The following MINK1 variants were observed in gnomAD, a reference collection of about 807,000 sequenced individuals.
MINK1 encodes the protein misshapen-like kinase 1.
Under a neutral mutation model 178.4 loss-of-function variants are expected in MINK1, and 46 were observed. The observed-to-expected ratio is 0.26, with a 90% CI of 0.20 to 0.33. MINK1 has a LOEUF of 0.33. Among genes scored for constraint, MINK1 ranks in the 10% least tolerant of loss-of-function variants. The pLI, the probability that MINK1 is intolerant of heterozygous loss-of-function variation, is 1.00. For missense variants in MINK1, 1,366 were observed against 1,814.9 expected (o/e 0.75, Z 4.49); for synonymous variants, 797 against 709.7 (o/e 1.12, Z -1.96).
chr17:4,856,905 T>G, intron 1 of MINK1: 1 of 164,018 alleles, frequency 6.1e-6, no homozygotes, highest in Non-Finnish European at 1.3e-5. Flanking sequence ...TGAGGAGGGG[T>G]GGTCTTTACA....
At chr17:4,881,521 A>G (rs1967699707) in intron 4 of MINK1, among the ~76,000 whole-genome samples, 1 of 152,178 alleles carries the variant, frequency 6.6e-6, no homozygotes, top group Non-Finnish European at 1.5e-5. Flanking sequence ...TCCCCTAACC[A>G]GTGTCTCACA....
rs75060982 is a variant in MINK1, at chr17:4,867,074, A to ATAAT, written c.58-11243_58-11242insTAAT. Among the ~76,000 whole-genome samples the ATAAT allele has an allele frequency of 4.6e-3, 547 of 119,962 alleles. 5 individuals carry two copies. The highest frequency in any genetic ancestry group is 0.017 in the African/African-American group (524 of 30,808). The allele number at this position is 119,962 out of a possible 152,430, so 78.7% of individuals were successfully genotyped here. A position where few individuals can be genotyped will look rare whatever the true frequency, so the allele number is the denominator to read the frequency against. Reference sequence around the variant, plus strand: ...GGGTGACAGAGTGAGACTCGTCTCAAAATAATAATAATAATAATAATAATA... The same window carrying ATAAT: ...GGGTGACAGAGTGAGACTCGTCTCAATAATAATAATAATAATAATAATAATAATA... On this transcript the variant is annotated intron_variant, in intron 1 of 31. Coordinates refer to ENST00000355280, the MANE Select transcript of MINK1 (RefSeq NM_153827.5).
rs1248440959 is a variant in MINK1 at position 4,886,731 on chromosome 17, G to A, written c.949+105G>A. 1.8e-5 allele frequency: 23 copies of A among 1,260,534 alleles called. No individual in the cohort carries two copies. The highest frequency in any genetic ancestry group is 7.8e-5 in the East Asian group (3 of 38,660). The allele number at this position is 1,260,534 out of a possible 1,614,324, so 78.1% of individuals were successfully genotyped here. ...GCACCCCTTCCTGCTCCCCTCCTTGGCCCCAGCTCTCCCTGTCCAAGGAGA... is the reference window on the plus strand; with the variant it reads ...GCACCCCTTCCTGCTCCCCTCCTTGACCCCAGCTCTCCCTGTCCAAGGAGA... On this transcript the variant is annotated intron_variant, in intron 10 of 31. Transcript: ENST00000355280. The surrounding 1 kb of genome is among the most constrained non-coding windows in gnomAD (Gnocchi z 6.1).
intron 13 of MINK1, 41 bp from the exon 14 acceptor site, chr17:4,890,476 C>T: frequency 5.2e-6 from 8 of 1,551,182 alleles, no homozygotes; most frequent in South Asian, 3.6e-5. Context: ...ACTCCCAGGG[C>T]CACACCCTGC....
Position 4,893,608 on chromosome 17 carries a change from G to A in MINK1, c.2564+11G>A, listed in dbSNP as rs374649525. 7.6e-5 allele frequency: 116 copies of A among 1,520,952 alleles called. No homozygotes were observed. Among genetic ancestry groups the A allele is most frequent in the East Asian group, 1.4e-4 (6 of 43,808 alleles). 94.2% of individuals were successfully genotyped at this position (1,520,952 alleles called of 1,614,324 possible). ...TACCCCTGGGGGCCGGTACGGCATC[G>A]GGAGTGGGGCCCTCCCACTCCAAGG... On this transcript the variant is annotated intron_variant, in intron 21 of 31. Transcript: ENST00000355280.
In MINK1 at chr17:4,892,495, C is replaced by T. The variant is rs1050221532; in HGVS notation, c.2181C>T (p.Gly727=). The T allele has an allele frequency of 2.6e-6, 4 of 1,560,666 alleles. No homozygotes were observed. The African/African-American group carries it at 4.1e-5, about 16-fold the overall frequency. ...KPPGPPAQPP[G]PPNASSNPDL... ...CAGGGCCCCCTGCTCAGCCCCCTGG[C>T]CCGCCCAACGCCTCTAGGTAATAGA... The change falls in exon 18 of 32, where the codon GGC becomes GGT. Residue 727 remains glycine, a synonymous_variant. Coordinates refer to ENST00000355280, the MANE Select transcript of MINK1 (RefSeq NM_153827.5).
Position 4,833,739 on chromosome 17 carries a change from C to T in MINK1, c.57+99C>T. On this transcript the variant is annotated intron_variant, in intron 1 of 31. Coordinates refer to ENST00000355280, the MANE Select transcript of MINK1 (RefSeq NM_153827.5). The surrounding 1 kb of genome is among the most constrained non-coding windows in gnomAD (Gnocchi z 4.8). ...CCTCACGTGCTCCCGGGCGCCCCCT[C>T]CACCAGCTTGGGTCCCCTTGGCGAC... 9.5e-7 allele frequency: 1 copy of T among 1,055,678 alleles called. No individual in the cohort carries two copies. Among genetic ancestry groups the T allele is most frequent in the Non-Finnish European group, 1.3e-6 (1 of 776,146 alleles). 65.4% of individuals were successfully genotyped at this position (1,055,678 alleles called of 1,614,324 possible). A position where few individuals can be genotyped will look rare whatever the true frequency, so the allele number is the denominator to read the frequency against.
chr17:4,894,338 G>T lies in MINK1; in HGVS notation c.2808+27G>T, dbSNP rs144266870. 5.3e-4 allele frequency: 852 copies of T among 1,604,546 alleles called. 3 individuals carry two copies. The highest frequency in any genetic ancestry group is 6.4e-4 in the Non-Finnish European group (753 of 1,176,632). On this transcript the variant is annotated intron_variant, in intron 23 of 31. Coordinates refer to ENST00000355280, the MANE Select transcript of MINK1 (RefSeq NM_153827.5). This position sits in a 1 kb window ranked among gnomAD's most constrained non-coding sequence, Gnocchi z 4.1. The stretch of plus-strand genomic sequence containing the variant: ...TAAGTGGGCCGGAGGCAGGTCCGCC[G>T]GGAGAGAAGAGCCCTGGCGATGGGC...
At chr17:4,890,415 A>T in intron 13 of MINK1, 102 bp from the exon 14 acceptor site, 1 of 1,482,286 alleles carries the variant, frequency 6.7e-7, no homozygotes, top group Admixed American at 2.2e-5. Context: ...CATCAAGGGA[A>T]TACATCTCCT....
At chr17:4,881,292 G>T (rs533521828) in intron 4 of MINK1, 35 bp downstream of exon 4, 5 of 1,531,794 alleles carry the variant, frequency 3.3e-6, no homozygotes, top group Non-Finnish European at 4.4e-6. Flanking sequence ...TTCCCTCCCC[G>T]CAATCCCTGT....
At position 4,894,338 on chromosome 17, in the gene MINK1, G is replaced by A. The variant is rs144266870; in HGVS notation, c.2808+27G>A. 1,064 of 1,604,664 alleles carry A rather than the reference G, an allele frequency of 6.6e-4. 6 individuals are homozygous for A. In the African/African-American group the frequency reaches 0.012, roughly 19 times the overall value. ...TAAGTGGGCCGGAGGCAGGTCCGCC[G>A]GGAGAGAAGAGCCCTGGCGATGGGC... On this transcript the variant is annotated intron_variant, in intron 23 of 31. Transcript: ENST00000355280. This position sits in a 1 kb window ranked among gnomAD's most constrained non-coding sequence, Gnocchi z 4.1.
In MINK1 at chr17:4,896,392, C is replaced by T. The variant is rs186930495; in HGVS notation, c.3616-37C>T. On this transcript the variant is annotated intron_variant, in intron 29 of 31. Transcript: ENST00000355280. This position sits in a 1 kb window ranked among gnomAD's most constrained non-coding sequence, Gnocchi z 4.6. The stretch of plus-strand genomic sequence containing the variant: ...GAGTGGGATGGCCCAGTCTGGGCAC[C>T]AGACACGGAGACTCTAGTCCCCCTC... 6.9e-5 allele frequency: 111 copies of T among 1,609,632 alleles called. No homozygotes were observed. Among genetic ancestry groups the T allele is most frequent in the Admixed American group, 1.0e-4 (6 of 59,868 alleles).
In MINK1 at chr17:4,896,171, C is replaced by T; in HGVS notation, c.3466-22C>T. 1 of 1,601,138 alleles carries T rather than the reference C, an allele frequency of 6.2e-7. No homozygotes were observed. Among genetic ancestry groups the T allele is most frequent in the African/African-American group, 1.3e-5 (1 of 74,758 alleles). ...GCCTCTCCCCGTGCCCCTGAGCCCT[C>T]CTCTCCTCCGGTTCTCTGCAGTCCT... is the stretch of plus-strand genomic sequence containing the variant. On this transcript the variant is annotated intron_variant, in intron 28 of 31. Transcript: ENST00000355280. This position sits in a 1 kb window ranked among gnomAD's most constrained non-coding sequence, Gnocchi z 4.6.
rs763029716 is a variant in MINK1, at chr17:4,895,861, G to T, written c.3364+29G>T. The T allele has an allele frequency of 1.2e-6, 2 of 1,607,490 alleles. No homozygotes were observed. The highest frequency in any genetic ancestry group is 1.3e-5 in the African/African-American group (1 of 74,828). ...AGGATGTCCCAACAGAGTGGCCAGC[G>T]CATACTTGTTCATGAAGAGAGAAAT... On this transcript the variant is annotated intron_variant, in intron 27 of 31. Transcript: ENST00000355280. This position sits in a 1 kb window ranked among gnomAD's most constrained non-coding sequence, Gnocchi z 4.3.
Position 4,885,069 on chromosome 17 carries a change from T to C in MINK1, c.508+67T>C. The C allele has an allele frequency of 6.8e-7, 1 of 1,477,658 alleles. No individual in the cohort carries two copies. The highest frequency in any genetic ancestry group is 9.4e-7 in the Non-Finnish European group (1 of 1,066,670). 91.5% of individuals were successfully genotyped at this position (1,477,658 alleles called of 1,614,324 possible). A position where few individuals can be genotyped will look rare whatever the true frequency, so the allele number is the denominator to read the frequency against. ...CCAGAACAGAGAATGAGGGGCCCCTTTTTCTCTCTGGTGGCTCAGGCCCAA... is the reference window on the plus strand; with the variant it reads ...CCAGAACAGAGAATGAGGGGCCCCTCTTTCTCTCTGGTGGCTCAGGCCCAA... On this transcript the variant is annotated intron_variant, in intron 6 of 31. Transcript: ENST00000355280. The surrounding 1 kb of genome is among the most constrained non-coding windows in gnomAD (Gnocchi z 5.0).
rs752717407 is a variant in MINK1 at position 4,892,968 on chromosome 17, C to G, written c.2312-11C>G. On this transcript the variant is annotated splice_polypyrimidine_tract_variant and intron_variant, in intron 19 of 31. Coordinates refer to ENST00000355280, the MANE Select transcript of MINK1 (RefSeq NM_153827.5). ...CAGGCATCAGTGACCTTCTTCCACCCTGCCGTCCAGTCTCCTCCAAACCGG... is the reference window on the plus strand; with the variant it reads ...CAGGCATCAGTGACCTTCTTCCACCGTGCCGTCCAGTCTCCTCCAAACCGG... 7.1e-6 allele frequency: 11 copies of G among 1,553,400 alleles called. No individual in the cohort carries two copies. The highest frequency in any genetic ancestry group is 9.6e-6 in the Non-Finnish European group (11 of 1,148,572).
At chr17:4,847,924 G>A (rs1053189203) in intron 1 of MINK1, among the ~76,000 whole-genome samples, 1 of 152,102 alleles carries the variant, frequency 6.6e-6, no homozygotes, top group African/African-American at 2.4e-5. Context: ...GCTCATGCTT[G>A]TACTCCCAGC....
At position 4,897,811 on chromosome 17, in the gene MINK1, C is replaced by T. The variant is rs1969715652; in HGVS notation, c.*524C>T. On this transcript the variant is annotated 3_prime_UTR_variant, in exon 32 of 32. Transcript: ENST00000355280. ...TTAATGATTCCCCTTCCCCCAAACT[C>T]CAGGGAATGGAGGGGGGACCCCGCC... 1 of 152,636 alleles carries T rather than the reference C, an allele frequency of 6.6e-6. No homozygotes were observed. The highest frequency in any genetic ancestry group is 1.5e-5 in the Non-Finnish European group (1 of 68,236). 9.5% of individuals were successfully genotyped at this position (152,636 alleles called of 1,614,324 possible). A position where few individuals can be genotyped will look rare whatever the true frequency, so the allele number is the denominator to read the frequency against.
intron 1 of MINK1, among the ~76,000 whole-genome samples, chr17:4,852,052 A>G (rs1426086104): frequency 2.0e-5 from 3 of 151,650 alleles, no homozygotes; most frequent in Non-Finnish European, 4.4e-5. Flanking sequence ...TCTCTGGTAA[A>G]ACATTTACCA....
Sources: gnomAD v4.1 joint callset for allele counts (sites outside exome capture counted in the v4.1 genomes callset) on GRCh38, gnomAD v4.1.1 for gene constraint, Gnocchi (gnomAD v3.1) non-coding constraint, MANE v1.5 for transcripts, NCBI Gene and HGNC (gene_info 2026-07-23, HGNC 2026-07-21) for gene names.